The following EPHA6 variants were observed in gnomAD, a reference collection of about 807,000 sequenced individuals.
EPHA6 encodes the protein EPH receptor A6, also known as ephrin type-A receptor 6.
Under a neutral mutation model 112.0 loss-of-function variants are expected in EPHA6, and 50 were observed. The ratio of observed to expected loss-of-function variants is 0.45; its 90% CI spans 0.36 to 0.56. The LOEUF (loss-of-function observed/expected upper bound fraction) is 0.56. Among genes scored for constraint, EPHA6 ranks in the 20% least tolerant of loss-of-function variants. The pLI is 0.00. For synonymous variants in EPHA6, 529 were observed against 490.7 expected, an observed-to-expected ratio of 1.08 and a Z score of -1.03; for missense variants, 1,280 against 1,417.4, an observed-to-expected ratio of 0.90 and a Z score of 1.56.
intron 10 of EPHA6, among the ~76,000 whole-genome samples, chr3:97,513,953 G>A (rs760736387): frequency 3.3e-5 from 5 of 152,126 alleles, no homozygotes; most frequent in Admixed American, 1.3e-4. Flanking sequence ...GCAAAAGAGA[G>A]CTTCAGAGGG....
chr3:97,438,493 A>G (rs1281068778), intron 6 of EPHA6, among the ~76,000 whole-genome samples: 1 of 152,166 alleles, frequency 6.6e-6, no homozygotes, highest in Non-Finnish European at 1.5e-5. Context: ...CAAACTTTTA[A>G]TTGCTCTAAT....
rs984132958 is a variant in EPHA6 at position 97,751,994 on chromosome 3, T to C, written c.*3293T>C. Among the ~76,000 whole-genome samples, 1 of 150,574 alleles carries C rather than the reference T, an allele frequency of 6.6e-6. No individual in the cohort carries two copies. Among genetic ancestry groups the C allele is most frequent in the African/African-American group, 2.5e-5 (1 of 39,958 alleles). ...ACAATCAAGGAGAGAGATAAAGTAT[T>C]TAAATCATTTTAAAAAGCAATCAAA... On this transcript the variant is annotated 3_prime_UTR_variant, in exon 18 of 18. Transcript: ENST00000389672.
In EPHA6 at chr3:97,094,959, G is replaced by A. The variant is rs182507234; in HGVS notation, c.1114+106966G>A. Reference sequence around the variant, plus strand: ...ACTGGGTGTATGATATCTTGAGTAAGGTAACCTATAATTTGGAAGTTTTAG... The same window carrying A: ...ACTGGGTGTATGATATCTTGAGTAAAGTAACCTATAATTTGGAAGTTTTAG... On this transcript the variant is annotated intron_variant, in intron 3 of 17. Coordinates refer to ENST00000389672, the MANE Select transcript of EPHA6 (RefSeq NM_001080448.3). Among the ~76,000 whole-genome samples, 3 of 151,948 alleles carry A rather than the reference G, an allele frequency of 2.0e-5. No individual in the cohort carries two copies. In the East Asian group the frequency reaches 5.8e-4, roughly 29 times the overall value.
intron 6 of EPHA6, among the ~76,000 whole-genome samples, chr3:97,406,842 G>T (rs941571515): frequency 1.7e-4 from 26 of 152,064 alleles, no homozygotes; most frequent in Non-Finnish European, 3.5e-4. Context: ...AATCTGCTGG[G>T]CTAGCCTTTC....
At position 97,106,846 on chromosome 3, in the gene EPHA6, C is replaced by G. The variant is rs571865155; in HGVS notation, c.1114+118853C>G. ...TGGGGCACTGAAGGCAAGCTACACT[C>G]CCATCACATGCCTTGCAAGGAGGAT... On this transcript the variant is annotated intron_variant, in intron 3 of 17. Transcript: ENST00000389672. Among the ~76,000 whole-genome samples, 31 of 152,224 alleles carry G rather than the reference C, an allele frequency of 2.0e-4. No individual in the cohort carries two copies. The South Asian group carries it at 6.2e-3, about 31-fold the overall frequency.
chr3:97,081,625 A>C (rs927459023), intron 3 of EPHA6, among the ~76,000 whole-genome samples: 1 of 151,758 alleles, frequency 6.6e-6, no homozygotes, highest in Non-Finnish European at 1.5e-5. Context: ...ATGTCAATAC[A>C]CTTTAACTAT....
chr3:97,419,470 C>G (rs144631409), intron 6 of EPHA6, among the ~76,000 whole-genome samples: 1 of 151,394 alleles, frequency 6.6e-6, no homozygotes, highest in Admixed American at 6.6e-5. Flanking sequence ...ACTGAAAATA[C>G]AAAAATCAGC....
chr3:97,646,387 A>G (rs2094063603), intron 14 of EPHA6: 1 of 1,012,608 alleles, frequency 9.9e-7, no homozygotes, highest in Non-Finnish European at 1.3e-6. Context: ...TTCAAAATAC[A>G]CTAAAGTAAA....
In EPHA6 at chr3:96,814,742, C is replaced by G. The variant is rs1191590084; in HGVS notation, c.119C>G (p.Thr40Ser). The change falls in exon 1 of 18, where the codon ACC (threonine) becomes AGC (serine). Residue 40 changes from threonine (T) to serine (S), a missense_variant. This residue lies in a region of EPHA6 where 220 missense variants were observed against 171.5 expected (regional missense o/e 1.28). Transcript: ENST00000389672. The part of the protein sequence containing the change: ...QPGPSCPVPG[T>S]SRRGRPGTPP... ...GGACCCTCGTGCCCTGTTCCCGGGACCTCGCGCAGGGGGCGCCCCGGGACA... is the reference window on the plus strand; with the variant it reads ...GGACCCTCGTGCCCTGTTCCCGGGAGCTCGCGCAGGGGGCGCCCCGGGACA... 6.3e-7 allele frequency: 1 copy of G among 1,590,398 alleles called. No homozygotes were observed. Among genetic ancestry groups the G allele is most frequent in the African/African-American group, 1.3e-5 (1 of 74,110 alleles).
intron 3 of EPHA6, among the ~76,000 whole-genome samples, chr3:97,184,709 A>T (rs1386717581): frequency 6.6e-6 from 1 of 152,126 alleles, no homozygotes; most frequent in Non-Finnish European, 1.5e-5. Context: ...AACTGGAAAA[A>T]ACTACTTTAA....
At chr3:97,276,634 C>T (rs930174272) in intron 5 of EPHA6, among the ~76,000 whole-genome samples, 3 of 151,862 alleles carry the variant, frequency 2.0e-5, no homozygotes, top group Non-Finnish European at 2.9e-5. Context: ...GTTTGATGGC[C>T]GGAATTTAAT....
At position 97,586,542 on chromosome 3, in the gene EPHA6, CTA is replaced by C. The variant is rs2093489949; in HGVS notation, c.2387-6069_2387-6068del. Reference sequence around the variant, plus strand: ...TGTATAATGTTATAAATTACTATAACTAAAAAAAAAAGAGAGAGGCATGTAGG... The same window carrying C: ...TGTATAATGTTATAAATTACTATAACAAAAAAAAAGAGAGAGGCATGTAGG... On this transcript the variant is annotated intron_variant, in intron 11 of 17. Coordinates refer to ENST00000389672, the MANE Select transcript of EPHA6 (RefSeq NM_001080448.3). 4.0e-5 allele frequency among the ~76,000 whole-genome samples: 6 copies of C among 148,976 alleles called. No individual in the cohort carries two copies. The South Asian group carries it at 1.3e-3, about 32-fold the overall frequency.
chr3:96,975,936 A>C (rs2107799116), intron 2 of EPHA6, among the ~76,000 whole-genome samples: 1 of 152,270 alleles, frequency 6.6e-6, no homozygotes, highest in South Asian at 2.1e-4. Flanking sequence ...GTTCTACATA[A>C]AATTTTTCTT....
intron 3 of EPHA6, among the ~76,000 whole-genome samples, chr3:97,151,072 C>G (rs2076160874): frequency 6.6e-6 from 1 of 152,122 alleles, no homozygotes; most frequent in Non-Finnish European, 1.5e-5. Context: ...CTTGTCTCAT[C>G]TTATACTATT....
intron 5 of EPHA6, among the ~76,000 whole-genome samples, chr3:97,251,784 T>A (rs1226868176): frequency 6.6e-6 from 1 of 152,112 alleles, no homozygotes; most frequent in African/African-American, 2.4e-5. Context: ...ATTTATGATG[T>A]CCAGTGAAAA....
intron 3 of EPHA6, among the ~76,000 whole-genome samples, chr3:97,056,020 T>C (rs1674011963): frequency 6.6e-6 from 1 of 152,140 alleles, no homozygotes; most frequent in African/African-American, 2.4e-5. Flanking sequence ...TTGCCTAATA[T>C]TATTAAAACT....
intron 5 of EPHA6, among the ~76,000 whole-genome samples, chr3:97,282,336 A>G (rs1377589697): frequency 6.6e-6 from 1 of 152,186 alleles, no homozygotes; most frequent in East Asian, 1.9e-4. Context: ...AGTCGAAACA[A>G]CAGATGCCGG....
At chr3:97,387,955 A>G (rs919546362) in intron 5 of EPHA6, among the ~76,000 whole-genome samples, 1 of 152,184 alleles carries the variant, frequency 6.6e-6, no homozygotes, top group Non-Finnish European at 1.5e-5. Flanking sequence ...CATGGCTGGC[A>G]GAAGAGAGAG....
At chr3:97,075,744 T>C (rs1214689060) in intron 3 of EPHA6, among the ~76,000 whole-genome samples, 1 of 151,952 alleles carries the variant, frequency 6.6e-6, no homozygotes, top group Admixed American at 6.6e-5. Flanking sequence ...GTGGCAATCT[T>C]GCATAGAGCC....
Sources: allele counts gnomAD v4.1 joint callset (sites outside exome capture counted in the v4.1 genomes callset), GRCh38; gene constraint gnomAD v4.1.1; regional missense constraint gnomAD v4.1.1; transcripts MANE v1.5; gene names NCBI Gene and HGNC (gene_info 2026-07-23, HGNC 2026-07-21).